DSCAM: variants seen among roughly 807,000 people sequenced by gnomAD.
DSCAM encodes the protein DS cell adhesion molecule, also known as cell adhesion molecule DSCAM.
In DSCAM, 47 loss-of-function variants were observed where a neutral mutation model predicts 217.7. That is an observed-to-expected ratio of 0.22 (90% CI 0.17 to 0.28). The LOEUF (loss-of-function observed/expected upper bound fraction) is 0.28, where lower values mean the gene tolerates loss of function less well. DSCAM is among the 10% of genes least tolerant of loss of function. The probability of loss-of-function intolerance (pLI) is 1.00; values close to 1 mark genes in which losing one functional copy is unlikely to be tolerated. For synonymous variants in DSCAM, 1,056 were observed against 1,015.3 expected (o/e 1.04, Z -0.76); for missense variants, 2,080 against 2,618.3 (o/e 0.79, Z 4.49).
At chr21:40,489,229 C>T (rs73362905) in intron 3 of DSCAM, among the ~76,000 whole-genome samples, 1 of 152,020 alleles carries the variant, frequency 6.6e-6, no homozygotes, top group Non-Finnish European at 1.5e-5. Flanking sequence ...CTCCCTAATG[C>T]GGGTGACCTC....
chr21:40,586,458 T>C (rs2076947817), intron 3 of DSCAM, among the ~76,000 whole-genome samples: 1 of 152,140 alleles, frequency 6.6e-6, no homozygotes. Context: ...GGAAAGAGTG[T>C]TCAGAAGCAC....
chr21:40,765,052 C>T (rs1274736109), intron 1 of DSCAM, among the ~76,000 whole-genome samples: 1 of 150,500 alleles, frequency 6.6e-6, no homozygotes, highest in Non-Finnish European at 1.5e-5. Context: ...CACCATGGCA[C>T]ATGTGTACCT....
chr21:40,259,660 T>TC, intron 11 of DSCAM, among the ~76,000 whole-genome samples: 1 of 131,436 alleles, frequency 7.6e-6, no homozygotes, highest in East Asian at 2.2e-4. Flanking sequence ...AGTCAGCCAT[T>TC]CTTTTTTTTT....
At chr21:40,474,249 C>T (rs1372969968) in intron 3 of DSCAM, among the ~76,000 whole-genome samples, 3 of 151,834 alleles carry the variant, frequency 2.0e-5, no homozygotes, top group Non-Finnish European at 4.4e-5. Flanking sequence ...GCAGAGATTG[C>T]GCCACTGCAC....
intron 3 of DSCAM, among the ~76,000 whole-genome samples, chr21:40,606,117 T>C (rs1398813072): frequency 6.6e-6 from 1 of 152,194 alleles, no homozygotes; most frequent in Non-Finnish European, 1.5e-5. Flanking sequence ...CATTCTTATT[T>C]CCATAAAAAT....
chr21:40,402,886 A>G (rs2075249317), intron 3 of DSCAM, among the ~76,000 whole-genome samples: 1 of 152,184 alleles, frequency 6.6e-6, no homozygotes, highest in Non-Finnish European at 1.5e-5. Flanking sequence ...CTATCAATAA[A>G]TTATTTCTTT....
In DSCAM at chr21:40,697,959, G is replaced by A. The variant is rs560126594; in HGVS notation, c.362-5003C>T. ...AACACTATTAATTCTTCCAATCAACGAGCATGAAATAACTTTCCATTTTGT... is the reference window on the plus strand; with the variant it reads ...AACACTATTAATTCTTCCAATCAACAAGCATGAAATAACTTTCCATTTTGT... On this transcript the variant is annotated intron_variant, in intron 2 of 32. Transcript: ENST00000400454. Among the ~76,000 whole-genome samples, 12 of 152,212 alleles carry A rather than the reference G, an allele frequency of 7.9e-5. No homozygotes were observed. In the East Asian group the frequency reaches 9.7e-4, roughly 12 times the overall value.
chr21:40,179,788 G>A (rs552109697), intron 14 of DSCAM, among the ~76,000 whole-genome samples: 100 of 152,332 alleles, frequency 6.6e-4, no homozygotes, highest in Middle Eastern at 3.4e-3. Flanking sequence ...CACTGAATCT[G>A]TGACATTTTG....
chr21:40,103,364 T>C (rs892330122), intron 20 of DSCAM, among the ~76,000 whole-genome samples: 5 of 152,162 alleles, frequency 3.3e-5, no homozygotes, highest in Non-Finnish European at 1.5e-5. Context: ...ACAAAATTGA[T>C]AGCTCTTTTA....
rs527339493 is a variant in DSCAM, at chr21:40,530,452, G to C, written c.509-161207C>G. Among the ~76,000 whole-genome samples the C allele has an allele frequency of 1.2e-3, 178 of 152,148 alleles. 1 individual carries two copies. Among genetic ancestry groups the C allele is most frequent in the Non-Finnish European group, 1.8e-3 (120 of 68,028 alleles). On this transcript the variant is annotated intron_variant, in intron 3 of 32. Transcript: ENST00000400454. ...GATAACAGGTGGTGTCTTGAACTGA[G>C]TTTACACTGAAAGTAAATGCTCTAT...
At chr21:40,304,091 A>G (rs2074045492) in intron 9 of DSCAM, among the ~76,000 whole-genome samples, 1 of 152,220 alleles carries the variant, frequency 6.6e-6, no homozygotes, top group Non-Finnish European at 1.5e-5. Context: ...CCACTGTCAT[A>G]AGAGCTATGA....
chr21:40,420,808 A>G (rs1003175404), intron 3 of DSCAM, among the ~76,000 whole-genome samples: 5 of 152,216 alleles, frequency 3.3e-5, no homozygotes, highest in African/African-American at 4.8e-5. Flanking sequence ...GCCAAAGATT[A>G]CCAGCAAACG....
intron 10 of DSCAM, among the ~76,000 whole-genome samples, chr21:40,281,522 G>A (rs2073759378): frequency 6.6e-6 from 1 of 152,036 alleles, no homozygotes; most frequent in Admixed American, 6.6e-5. Flanking sequence ...AAGAATTTCG[G>A]ACCAAAGGTG....
chr21:40,837,053 T>C (rs2092062799), intron 1 of DSCAM, among the ~76,000 whole-genome samples: 1 of 152,320 alleles, frequency 6.6e-6, no homozygotes, highest in Admixed American at 6.5e-5. Context: ...GATCCTTACC[T>C]GGGAAGGCCC....
At chr21:40,068,429 C>T (rs1435621318) in intron 27 of DSCAM, among the ~76,000 whole-genome samples, 1 of 152,068 alleles carries the variant, frequency 6.6e-6, no homozygotes, top group African/African-American at 2.4e-5. Context: ...GTATATGTGC[C>T]TCTCTCTGTA....
intron 3 of DSCAM, among the ~76,000 whole-genome samples, chr21:40,457,619 C>T (rs2075774524): frequency 6.6e-6 from 1 of 152,056 alleles, no homozygotes; most frequent in African/African-American, 2.4e-5. Context: ...AAAAACATCC[C>T]ACATTTTCAT....
At chr21:40,728,700 A>T (rs558134821) in intron 1 of DSCAM, among the ~76,000 whole-genome samples, 1 of 152,290 alleles carries the variant, frequency 6.6e-6, no homozygotes, top group African/African-American at 2.4e-5. Flanking sequence ...GATTACAGGC[A>T]TGAGCCACCA....
At chr21:40,549,966 G>A (rs1183736204) in intron 3 of DSCAM, among the ~76,000 whole-genome samples, 1 of 152,176 alleles carries the variant, frequency 6.6e-6, no homozygotes, top group African/African-American at 2.4e-5. Context: ...TAAGCAAAGA[G>A]TCTTGCTTTA....
At chr21:40,840,858 G>A (rs2092095649) in intron 1 of DSCAM, among the ~76,000 whole-genome samples, 1 of 152,088 alleles carries the variant, frequency 6.6e-6, no homozygotes, top group African/African-American at 2.4e-5. Flanking sequence ...GGACGGGAGG[G>A]AGGAAGGTGG....
Sources: gnomAD v4.1 joint callset for allele counts (sites outside exome capture counted in the v4.1 genomes callset) on GRCh38, gnomAD v4.1.1 for gene constraint, MANE v1.5 for transcripts, NCBI Gene and HGNC (gene_info 2026-07-23, HGNC 2026-07-21) for gene names.